The following PDK1 variants were observed in gnomAD, a reference collection of about 807,000 sequenced individuals.
PDK1 encodes pyruvate dehydrogenase kinase 1.
A neutral mutation model predicts 54.2 loss-of-function variants in PDK1; 39 were observed. That is an observed-to-expected ratio of 0.72 (90% CI 0.56 to 0.94). PDK1 has a LOEUF of 0.94. Among genes scored for constraint, PDK1 ranks in the 40% least tolerant of loss-of-function variants. The pLI is 0.00. For missense variants in PDK1, 552 were observed against 566.0 expected, an observed-to-expected ratio of 0.98 and a Z score of 0.25; for synonymous variants, 221 against 207.1, an observed-to-expected ratio of 1.07 and a Z score of -0.58.
chr2:172,724,178 A>C, the PDK1 span: 1 of 152,170 alleles, frequency 6.6e-6, no homozygotes, highest in South Asian at 2.1e-4. Flanking sequence ...TCTTGGCATA[A>C]ATTTCCACAG....
intron 1 of PDK1, 90 bp downstream of exon 1, chr2:172,556,436 CTCT>C: frequency 1.0e-6 from 1 of 979,798 alleles, no homozygotes; most frequent in Non-Finnish European, 1.4e-6. Context: ...CGCCGGCCAG[CTCT>C]CGCCTGAGGC....
Position 172,589,169 on chromosome 2 carries a change from T to C in PDK1, c.1056+2781T>C, listed in dbSNP as rs538115257. Among the ~76,000 whole-genome samples, 54 of 152,346 alleles carry C rather than the reference T, an allele frequency of 3.5e-4. 1 individual carries two copies. In the South Asian group the frequency reaches 0.011, roughly 31 times the overall value. Reference sequence around the variant, plus strand: ...ACGTGGTAAAGTAGGTCAGGTATCATGGGAGCCTGAACCACCTGCTCATAC... The same window carrying C: ...ACGTGGTAAAGTAGGTCAGGTATCACGGGAGCCTGAACCACCTGCTCATAC... On this transcript the variant is annotated intron_variant, in intron 9 of 10. Coordinates refer to ENST00000282077, the MANE Select transcript of PDK1 (RefSeq NM_002610.5).
the PDK1 span, among the ~76,000 whole-genome samples, chr2:172,663,787 T>C: frequency 6.6e-6 from 1 of 152,162 alleles, no homozygotes; most frequent in South Asian, 2.1e-4. Flanking sequence ...CTTTTCTTCC[T>C]TTTAACCCAA....
the PDK1 span, among the ~76,000 whole-genome samples, chr2:172,640,160 T>A: frequency 2.0e-5 from 3 of 152,210 alleles, no homozygotes; most frequent in Non-Finnish European, 2.9e-5. Flanking sequence ...ATTTTTTTTG[T>A]CTTTAAACTT....
At chr2:172,558,394 A>G (rs1164730445) in intron 1 of PDK1, 2 of 226,564 alleles carry the variant, frequency 8.8e-6, no homozygotes, top group Non-Finnish European at 1.7e-5. Context: ...CCTTGCTCAG[A>G]CATGCTCAGG....
chr2:172,645,793 C>T, the PDK1 span, among the ~76,000 whole-genome samples: 2 of 152,120 alleles, frequency 1.3e-5, no homozygotes, highest in South Asian at 4.2e-4. Context: ...TCTTTATTTC[C>T]CCTAGATTCA....
At chr2:172,612,189 C>A (rs1691483843), downstream of PDK1, among the ~76,000 whole-genome samples, 1 of 152,088 alleles carries the variant, frequency 6.6e-6, no homozygotes, top group Non-Finnish European at 1.5e-5. Context: ...CGAAGATCCA[C>A]CGTTATACAT....
At position 172,586,307 on chromosome 2, in the gene PDK1, G is replaced by C; in HGVS notation, c.975G>C (p.Leu325Phe). 6.2e-7 allele frequency: 1 copy of C among 1,613,158 alleles called. No homozygotes were observed. Among genetic ancestry groups the C allele is most frequent in the Non-Finnish European group, 8.5e-7 (1 of 1,179,280 alleles). ...KMSDRGGGVP[L>F]RKIDRLFNYM... ...GTGACCGAGGAGGTGGCGTTCCTTT[G>C]AGGAAAATTGACAGACTTTTCAACT... The change falls in exon 9 of 11, where the codon TTG (leucine) becomes TTC (phenylalanine). Residue 325 changes from leucine to phenylalanine, a missense_variant. Leu to Phe is a conservative substitution (Grantham distance 22). Coordinates refer to ENST00000282077, the MANE Select transcript of PDK1 (RefSeq NM_002610.5).
chr2:172,620,531 G>T, the PDK1 span, among the ~76,000 whole-genome samples: 3 of 152,136 alleles, frequency 2.0e-5, no homozygotes, highest in African/African-American at 7.2e-5. Context: ...CTCATTCTGT[G>T]GGGCTCTGAT....
chr2:172,633,073 C>G, the PDK1 span, among the ~76,000 whole-genome samples: 2 of 150,712 alleles, frequency 1.3e-5, no homozygotes, highest in African/African-American at 4.9e-5. Flanking sequence ...GACAAAATCT[C>G]ACCCTGTTGC....
At chr2:172,625,151 T>G in the PDK1 span, among the ~76,000 whole-genome samples, 1 of 152,146 alleles carries the variant, frequency 6.6e-6, no homozygotes, top group African/African-American at 2.4e-5. Context: ...AAATAAACAT[T>G]TGTTGTGCTA....
chr2:172,648,840 C>T, the PDK1 span, among the ~76,000 whole-genome samples: 1 of 152,194 alleles, frequency 6.6e-6, no homozygotes, highest in Non-Finnish European at 1.5e-5. Flanking sequence ...CCAGGAAGCT[C>T]GAACTGGGTG....
downstream of PDK1, among the ~76,000 whole-genome samples, chr2:172,610,609 A>C (rs1691430804): frequency 6.6e-6 from 1 of 152,084 alleles, no homozygotes; most frequent in Admixed American, 6.6e-5. Context: ...ATCTCTATTT[A>C]ATTTTTTTCT....
the PDK1 span, among the ~76,000 whole-genome samples, chr2:172,658,738 A>T: frequency 6.6e-6 from 1 of 152,142 alleles, no homozygotes; most frequent in Non-Finnish European, 1.5e-5. Context: ...TGCAGTCAAG[A>T]TAAGGACTGA....
In PDK1 at chr2:172,564,677, CA is replaced by C; in HGVS notation, c.587del (p.Asn196IlefsTer24). Reference protein sequence around the residue: ...MSRISIRMLLNQHSLLFGGKG... With the variant: ...MSRISIRMLLXQHSLLFGGKG... ...GTCGCATTTCAATTAGAATGTTACT[CA>C]ATCAGCACTGTAAGTGTCCCTCATG... is the stretch of plus-strand genomic sequence containing the variant. On this transcript the variant is annotated frameshift_variant, in exon 4 of 11. Transcript: ENST00000282077. LOFTEE classifies it high-confidence loss of function. 1.2e-6 allele frequency: 2 copies of C among 1,612,946 alleles called. No homozygotes were observed. The highest frequency in any genetic ancestry group is 1.7e-6 in the Non-Finnish European group (2 of 1,178,976).
the PDK1 span, among the ~76,000 whole-genome samples, chr2:172,723,015 G>A: frequency 2.6e-5 from 4 of 151,946 alleles, no homozygotes; most frequent in Non-Finnish European, 1.5e-5. Flanking sequence ...CAGTGGCAAA[G>A]CAGATGATTT....
the PDK1 span, among the ~76,000 whole-genome samples, chr2:172,690,490 C>G: frequency 6.7e-6 from 1 of 150,268 alleles, no homozygotes; most frequent in African/African-American, 2.4e-5. Context: ...ACCCAGCAAT[C>G]CCATTACTGG....
chr2:172,639,375 T>G, the PDK1 span, among the ~76,000 whole-genome samples: 1 of 152,214 alleles, frequency 6.6e-6, no homozygotes, highest in Non-Finnish European at 1.5e-5. Flanking sequence ...GGAGTCCCTG[T>G]TCTTCCTGTG....
intron 2 of PDK1, among the ~76,000 whole-genome samples, chr2:172,560,091 C>T (rs1176771020): frequency 6.6e-6 from 1 of 152,232 alleles, no homozygotes; most frequent in African/African-American, 2.4e-5. Context: ...GGTATTTGCC[C>T]ACCTGGGCCT....
Sources: allele counts gnomAD v4.1 joint callset (sites outside exome capture counted in the v4.1 genomes callset), GRCh38; gene constraint gnomAD v4.1.1; transcripts MANE v1.5; gene names NCBI Gene and HGNC (gene_info 2026-07-23, HGNC 2026-07-21).